CX3CL1: variants seen among roughly 807,000 people sequenced by gnomAD.
The protein encoded by CX3CL1 is fractalkine.
A neutral mutation model predicts 14.1 loss-of-function variants in CX3CL1; 1 was observed. That is an observed-to-expected ratio of 0.07 (90% CI 0.03 to 0.34). The LOEUF (loss-of-function observed/expected upper bound fraction) is 0.34. CX3CL1 is among the 10% of genes least tolerant of loss of function. The probability of loss-of-function intolerance (pLI) is 0.99; values close to 1 mark genes in which losing one functional copy is unlikely to be tolerated. For synonymous variants in CX3CL1, 255 were observed against 229.6 expected (o/e 1.11, Z -1.00); for missense variants, 505 against 536.4 (o/e 0.94, Z 0.58).
rs541210508 is a variant in CX3CL1, at chr16:57,382,350, C to T, written c.512C>T (p.Pro171Leu). ...VTGSSGTRLP[P>L]TPKAQDGGPV... ...GGTTCCTCAGGGACCAGGCTCCCCCCGACGCCAAAGGCTCAGGATGGAGGG... is the reference window on the plus strand; with the variant it reads ...GGTTCCTCAGGGACCAGGCTCCCCCTGACGCCAAAGGCTCAGGATGGAGGG... The change falls in exon 3 of 3, where the codon CCG becomes CTG. Residue 171 changes from proline (P) to leucine (L), a missense_variant. Physicochemically the swap from Pro to Leu is moderately conservative, Grantham distance 98. Transcript: ENST00000006053. This position sits in a 1 kb window ranked among gnomAD's most constrained non-coding sequence, Gnocchi z 6.9. 20 of 1,610,012 alleles carry T rather than the reference C, an allele frequency of 1.2e-5. 1 individual carries two copies. The highest frequency in any genetic ancestry group is 1.7e-4 in the Middle Eastern group (1 of 6,058).
At position 57,372,562 on chromosome 16, in the gene CX3CL1, C is replaced by G. The variant is rs1326285162; in HGVS notation, c.-7C>G. 6.2e-7 allele frequency: 1 copy of G among 1,611,594 alleles called. No homozygotes were observed. Among genetic ancestry groups the G allele is most frequent in the Non-Finnish European group, 8.5e-7 (1 of 1,179,886 alleles). ...GCCCCCGCCGGGACTCTTGCCCACC[C>G]TCAGCCATGGCTCCGATATCTCTGT... On this transcript the variant is annotated 5_prime_UTR_variant, in exon 1 of 3. Transcript: ENST00000006053.
chr16:57,382,403 C>T lies in CX3CL1; in HGVS notation c.565C>T (p.Pro189Ser), dbSNP rs1444920128. The change falls in exon 3 of 3, where the codon CCT becomes TCT. Residue 189 changes from proline (P) to serine (S), a missense_variant. Physicochemically the swap from Pro to Ser is moderately conservative, Grantham distance 74. Transcript: ENST00000006053. The surrounding 1 kb of genome is among the most constrained non-coding windows in gnomAD (Gnocchi z 6.9). ...TGTGGGCACGGAGCTTTTCCGAGTG[C>T]CTCCCGTCTCCACTGCCGCCACGTG... ...GPVGTELFRV[P>S]PVSTAATWQS... 4.2e-5 allele frequency: 67 copies of T among 1,612,174 alleles called. No individual in the cohort carries two copies. The highest frequency in any genetic ancestry group is 5.3e-5 in the Non-Finnish European group (63 of 1,179,978).
At chr16:57,379,819 A>G in intron 2 of CX3CL1, 65 bp downstream of exon 2, 1 of 1,577,694 alleles carries the variant, frequency 6.3e-7, no homozygotes, top group South Asian at 1.1e-5. Context: ...CAGACCTCTG[A>G]GAATCTACGT....
At chr16:57,378,198 A>C (rs1902270225) in intron 1 of CX3CL1, 1 of 152,212 alleles carries the variant, frequency 6.6e-6, no homozygotes, top group African/African-American at 2.4e-5. Flanking sequence ...AGCAGAACAA[A>C]GGATCATCTA....
chr16:57,381,090 A>G (rs1269239571), intron 2 of CX3CL1, among the ~76,000 whole-genome samples: 1 of 152,182 alleles, frequency 6.6e-6, no homozygotes, highest in African/African-American at 2.4e-5. Flanking sequence ...GCAGGGTCAT[A>G]CTTGCTTCCT....
At chr16:57,379,904 G>C in intron 2 of CX3CL1, 150 bp downstream of exon 2, 1 of 904,264 alleles carries the variant, frequency 1.1e-6, no homozygotes, top group Non-Finnish European at 1.7e-6. Flanking sequence ...TGGCCTGCAG[G>C]CCACCTCACT....
In CX3CL1 at chr16:57,382,339, C is replaced by G. The variant is rs758713105; in HGVS notation, c.501C>G (p.Thr167=). The change falls in exon 3 of 3, where the codon ACC becomes ACG. Residue 167 remains threonine, a synonymous_variant. Transcript: ENST00000006053. The surrounding 1 kb of genome is among the most constrained non-coding windows in gnomAD (Gnocchi z 6.9). The stretch of plus-strand genomic sequence containing the variant: ...CGGGCGTGACTGGTTCCTCAGGGAC[C>G]AGGCTCCCCCCGACGCCAAAGGCTC... The part of the protein sequence containing the change: ...LPTGVTGSSG[T]RLPPTPKAQD... 1 of 1,607,080 alleles carries G rather than the reference C, an allele frequency of 6.2e-7. No homozygotes were observed. The highest frequency in any genetic ancestry group is 8.5e-7 in the Non-Finnish European group (1 of 1,177,974).
chr16:57,381,118 C>T (rs1245744855), intron 2 of CX3CL1, among the ~76,000 whole-genome samples: 1 of 152,188 alleles, frequency 6.6e-6, no homozygotes, highest in East Asian at 1.9e-4. Flanking sequence ...TCTGGTTTCC[C>T]GGCATCCTGG....
chr16:57,381,946 G>A, intron 2 of CX3CL1, 84 bp from the exon 3 acceptor site: 3 of 1,425,516 alleles, frequency 2.1e-6, no homozygotes, highest in Non-Finnish European at 2.8e-6. Context: ...CACCTGCAGA[G>A]TATTGGTGCT....
rs1382465285 is a variant in CX3CL1 at position 57,382,025 on chromosome 16, T to C, written c.192-5T>C. 1.3e-6 allele frequency: 2 copies of C among 1,569,264 alleles called. No homozygotes were observed. The highest frequency in any genetic ancestry group is 1.4e-5 in the African/African-American group (1 of 74,012). Reference sequence around the variant, plus strand: ...TAACCGAATCCCTGTCTTCCTCCCTTGTAGCTTGGAGACGAGACAGCACAG... The same window carrying C: ...TAACCGAATCCCTGTCTTCCTCCCTCGTAGCTTGGAGACGAGACAGCACAG... On this transcript the variant is annotated splice_region_variant and splice_polypyrimidine_tract_variant and intron_variant, in intron 2 of 2. Transcript: ENST00000006053. This position sits in a 1 kb window ranked among gnomAD's most constrained non-coding sequence, Gnocchi z 6.9.
At chr16:57,375,450 C>A (rs1902234202) in intron 1 of CX3CL1, among the ~76,000 whole-genome samples, 1 of 152,190 alleles carries the variant, frequency 6.6e-6, no homozygotes, top group Non-Finnish European at 1.5e-5. Flanking sequence ...GCCAAACCTC[C>A]TATAGTACCC....
In CX3CL1 at chr16:57,379,771, A is replaced by G; in HGVS notation, c.191+17A>G. 6.2e-7 allele frequency: 1 copy of G among 1,614,036 alleles called. No homozygotes were observed. Among genetic ancestry groups the G allele is most frequent in the Non-Finnish European group, 8.5e-7 (1 of 1,179,870 alleles). Reference sequence around the variant, plus strand: ...CGCAATCATGTAGGTACTGCCCTCGAGGCCTCTGAAATCCCCTTTGGGCCC... The same window carrying G: ...CGCAATCATGTAGGTACTGCCCTCGGGGCCTCTGAAATCCCCTTTGGGCCC... On this transcript the variant is annotated intron_variant, in intron 2 of 2. Transcript: ENST00000006053.
intron 1 of CX3CL1, among the ~76,000 whole-genome samples, chr16:57,376,419 C>T (rs1443239987): frequency 1.3e-5 from 2 of 151,584 alleles, no homozygotes; most frequent in Non-Finnish European, 2.9e-5. Context: ...TAATTCCAGC[C>T]AGTGTTGGCT....
At chr16:57,379,391 C>T (rs1902288454) in intron 1 of CX3CL1, 3 of 498,824 alleles carry the variant, frequency 6.0e-6, no homozygotes, top group South Asian at 4.1e-5. Flanking sequence ...TAAGAATTCA[C>T]GTTTCTTATT....
chr16:57,375,453 T>C (rs1026115547), intron 1 of CX3CL1, among the ~76,000 whole-genome samples: 2 of 152,202 alleles, frequency 1.3e-5, no homozygotes, highest in African/African-American at 2.4e-5. Flanking sequence ...AAACCTCCTA[T>C]AGTACCCGGG....
At chr16:57,372,752 G>A in intron 1 of CX3CL1, 114 bp downstream of exon 1, 4 of 1,000,402 alleles carry the variant, frequency 4.0e-6, no homozygotes, top group Admixed American at 4.3e-5. Context: ...CTCAAGGCCG[G>A]TGGCAGCCGC....
rs1460706702 is a variant in CX3CL1 at position 57,383,304 on chromosome 16, G to A, written c.*272G>A. On this transcript the variant is annotated 3_prime_UTR_variant, in exon 3 of 3. Coordinates refer to ENST00000006053, the MANE Select transcript of CX3CL1 (RefSeq NM_002996.6). ...TGCTGGCTGGTTAGAGGTTCCCTTT[G>A]ACGCCATCCCAGCCCCAATGAACAA... The A allele has an allele frequency of 2.9e-6, 1 of 348,050 alleles. No homozygotes were observed. Among genetic ancestry groups the A allele is most frequent in the African/African-American group, 2.1e-5 (1 of 47,590 alleles). 21.6% of individuals were successfully genotyped at this position (348,050 alleles called of 1,614,324 possible). A position where few individuals can be genotyped will look rare whatever the true frequency, so the allele number is the denominator to read the frequency against.
chr16:57,382,941 G>A lies in CX3CL1; in HGVS notation c.1103G>A (p.Cys368Tyr). ...AMFTYQSLQG[C>Y]PRKMAGEMAE... is the part of the protein sequence containing the mutation. The stretch of plus-strand genomic sequence containing the variant: ...TTCACCTACCAGAGCCTCCAGGGCT[G>A]CCCTCGAAAGATGGCAGGAGAGATG... The change falls in exon 3 of 3, where the codon TGC (cysteine) becomes TAC (tyrosine). Residue 368 changes from cysteine (C) to tyrosine (Y), a missense_variant. By Grantham distance (194) the Cys-to-Tyr change is radical. Transcript: ENST00000006053. This position sits in a 1 kb window ranked among gnomAD's most constrained non-coding sequence, Gnocchi z 6.9. 1.3e-6 allele frequency: 2 copies of A among 1,522,960 alleles called. No individual in the cohort carries two copies. The highest frequency in any genetic ancestry group is 1.8e-6 in the Non-Finnish European group (2 of 1,133,588). 94.3% of individuals were successfully genotyped at this position (1,522,960 alleles called of 1,614,324 possible).
intron 1 of CX3CL1, among the ~76,000 whole-genome samples, chr16:57,376,479 G>GATGA (rs1902247583): frequency 1.3e-5 from 2 of 151,956 alleles, no homozygotes; most frequent in East Asian, 3.9e-4. Flanking sequence ...TGGATGGATG[G>GATGA]ATGGATGGAT....
Sources: allele counts gnomAD v4.1 joint callset (sites outside exome capture counted in the v4.1 genomes callset), GRCh38; gene constraint gnomAD v4.1.1; non-coding constraint Gnocchi (gnomAD v3.1); transcripts MANE v1.5; gene names NCBI Gene and HGNC (gene_info 2026-07-23, HGNC 2026-07-21).